The following POLR1C variants were observed in gnomAD, a reference collection of about 807,000 sequenced individuals.
POLR1C encodes the protein DNA-directed RNA polymerases I and III subunit RPAC1.
A neutral mutation model predicts 38.3 loss-of-function variants in POLR1C; 42 were observed. That is an observed-to-expected ratio of 1.10 (90% confidence interval 0.86 to 1.42). The LOEUF is 1.42. POLR1C is among the 40% of genes most tolerant of loss of function. The pLI, the probability that POLR1C is intolerant of heterozygous loss-of-function variation, is 0.00. For missense variants in POLR1C, 507 were observed against 450.5 expected (o/e 1.13, Z -1.14); for synonymous variants, 163 against 163.9 (o/e 0.99, Z 0.04).
chr6:43,529,881 C>G (rs909645842), downstream of POLR1C, among the ~76,000 whole-genome samples: 1 of 145,146 alleles, frequency 6.9e-6, no homozygotes, highest in Admixed American at 7.0e-5. Flanking sequence ...CACTGCATTC[C>G]TGCCTGGGTA....
intron 10 of POLR1C, chr6:43,553,284 A>G (rs576406149): frequency 1.4e-6 from 2 of 1,452,344 alleles, no homozygotes; most frequent in Middle Eastern, 1.8e-4. Flanking sequence ...CCTGAGCAAC[A>G]GAGAGATATA....
chr6:43,557,428 A>C (rs1272596252), intron 10 of POLR1C, among the ~76,000 whole-genome samples: 1 of 152,158 alleles, frequency 6.6e-6, no homozygotes, highest in East Asian at 1.9e-4. Flanking sequence ...TCCATCTCAA[A>C]AAAAAAAGAA....
At chr6:43,530,639 C>T, downstream of POLR1C, 2 of 1,599,922 alleles carry the variant, frequency 1.3e-6, no homozygotes, top group Non-Finnish European at 1.7e-6. Context: ...TTGTTTCTCT[C>T]TCTAATTTTC....
intron 9 of POLR1C, among the ~76,000 whole-genome samples, chr6:43,540,435 C>T (rs748397798): frequency 1.7e-4 from 26 of 151,878 alleles, no homozygotes; most frequent in African/African-American, 4.8e-4. Flanking sequence ...GCCGAGATGG[C>T]GCCACTGCAC....
intron 10 of POLR1C, chr6:43,558,913 T>A (rs181662666): frequency 6.5e-5 from 15 of 231,104 alleles, no homozygotes; most frequent in Admixed American, 6.2e-4. Flanking sequence ...AACTGAGAGC[T>A]ACTTGCCTCA....
At chr6:43,529,271 G>A (rs368932102) in exon 9 of POLR1C, 221 of 1,350,440 alleles carry the variant, frequency 1.6e-4, no homozygotes, top group Middle Eastern at 6.3e-4. Context: ...TGCTGGCTGC[G>A]GTGGCTCACA....
chr6:43,549,248 G>C (rs1795113395), intron 9 of POLR1C, among the ~76,000 whole-genome samples: 1 of 152,054 alleles, frequency 6.6e-6, no homozygotes, highest in Non-Finnish European at 1.5e-5. Flanking sequence ...ACTTTTAGTA[G>C]AGACCGGACT....
downstream of POLR1C, chr6:43,525,101 C>T: frequency 1.3e-6 from 2 of 1,571,206 alleles, no homozygotes; most frequent in Non-Finnish European, 1.7e-6. Flanking sequence ...GGGTGAATAA[C>T]CATACTTGTT....
chr6:43,521,672 C>T (rs754098549), downstream of POLR1C: 5 of 332,156 alleles, frequency 1.5e-5, no homozygotes, highest in Non-Finnish European at 2.9e-5. Context: ...CAGGCATGCA[C>T]CACCACACCT....
intron 9 of POLR1C, among the ~76,000 whole-genome samples, chr6:43,549,104 C>T (rs1795105894): frequency 6.6e-6 from 1 of 152,164 alleles, no homozygotes; most frequent in Admixed American, 6.6e-5. Flanking sequence ...TCGCTCGTTG[C>T]CCAGGCTGGA....
chr6:43,521,346 C>T lies in POLR1C; in HGVS notation c.*46C>T. The T allele has an allele frequency of 6.2e-7, 1 of 1,611,224 alleles. No homozygotes were observed. The highest frequency in any genetic ancestry group is 1.3e-5 in the African/African-American group (1 of 74,916). ...AGCTGAAGCTTTGGGTTCTGACTGA[C>T]CCACCCTACAGGACTGCTGAACAGA... On this transcript the variant is annotated 3_prime_UTR_variant, in exon 9 of 9. Transcript: ENST00000642195.
Position 43,521,406 on chromosome 6 carries a change from G to C in POLR1C, c.*106G>C, listed in dbSNP as rs1793182687. On this transcript the variant is annotated 3_prime_UTR_variant, in exon 9 of 9. Coordinates refer to ENST00000642195, the MANE Select transcript of POLR1C (RefSeq NM_203290.4). Reference sequence around the variant, plus strand: ...GTGACTAGGGATCCTGAGTTTTCTGGGACAATTCCAGCTTTAATCAATACA... The same window carrying C: ...GTGACTAGGGATCCTGAGTTTTCTGCGACAATTCCAGCTTTAATCAATACA... 6.3e-7 allele frequency: 1 copy of C among 1,594,920 alleles called. No homozygotes were observed. The highest frequency in any genetic ancestry group is 1.3e-5 in the African/African-American group (1 of 74,538).
chr6:43,544,326 G>A (rs959634765), intron 9 of POLR1C: 4 of 152,914 alleles, frequency 2.6e-5, no homozygotes, highest in African/African-American at 9.7e-5. Context: ...ATTTATAGAG[G>A]AAAAAACTGG....
intron 9 of POLR1C, chr6:43,539,685 C>T (rs978991257): frequency 4.7e-6 from 4 of 847,758 alleles, no homozygotes; most frequent in Non-Finnish European, 7.3e-6. Context: ...CCCCCCACTG[C>T]ACCGGCGTCA....
intron 9 of POLR1C, among the ~76,000 whole-genome samples, chr6:43,534,953 C>T (rs1296961329): frequency 1.3e-5 from 2 of 151,964 alleles, no homozygotes; most frequent in Non-Finnish European, 2.9e-5. Context: ...CGAGATCATA[C>T]CACTGCACTC....
rs1410714075 is a variant in POLR1C at position 43,520,328 on chromosome 6, C to G, written c.556C>G (p.Pro186Ala). The G allele has an allele frequency of 1.9e-6, 3 of 1,613,418 alleles. No individual in the cohort carries two copies. Among genetic ancestry groups the G allele is most frequent in the Non-Finnish European group, 1.7e-6 (2 of 1,180,030 alleles). ...IPLGNQADLF[P>A]EGTIRPVHDD... ...CCTGGGGAACCAGGCTGATCTCTTT[C>G]CAGAGGGCACTATCCGACCAGTGCA... The change falls in exon 6 of 9, where the codon CCA becomes GCA. Residue 186 changes from proline to alanine, a missense_variant. By Grantham distance (27) the Pro-to-Ala change is conservative. Transcript: ENST00000642195.
In POLR1C at chr6:43,549,799, C is replaced by T. The variant is rs146174452; in HGVS notation, c.*5-1169C>T. On this transcript the variant is annotated intron_variant, in intron 9 of 10. Coordinates refer to the POLR1C transcript ENST00000607635. ...TGATAATCTACCACCCTTACTACCC[C>T]CTCCCATTTATATAAAAATATAAAC... 392 of 1,357,402 alleles carry T rather than the reference C, an allele frequency of 2.9e-4. 2 individuals carry two copies. The African/African-American group carries it at 4.9e-3, about 17-fold the overall frequency. 84.1% of individuals were successfully genotyped at this position (1,357,402 alleles called of 1,614,324 possible). A position where few individuals can be genotyped will look rare whatever the true frequency, so the allele number is the denominator to read the frequency against.
chr6:43,527,827 T>C, intron 8 of POLR1C: 1 of 1,344,970 alleles, frequency 7.4e-7, no homozygotes, highest in Non-Finnish European at 1.0e-6. Context: ...ACCACTTTCT[T>C]CTCCTTTGGG....
chr6:43,546,233 A>T (rs976243540), intron 9 of POLR1C, among the ~76,000 whole-genome samples: 5 of 152,234 alleles, frequency 3.3e-5, no homozygotes, highest in African/African-American at 9.6e-5. Context: ...CCCTGCTCCC[A>T]ATGAGCAATT....
Sources: allele counts gnomAD v4.1 joint callset (sites outside exome capture counted in the v4.1 genomes callset), GRCh38; gene constraint gnomAD v4.1.1; transcripts MANE v1.5; gene names NCBI Gene and HGNC (gene_info 2026-07-23, HGNC 2026-07-21).